KRT73: variants seen among roughly 807,000 people sequenced by gnomAD.
The protein encoded by KRT73 is keratin 73, also known as keratin, type II cytoskeletal 73.
Under a neutral mutation model 47.2 loss-of-function variants are expected in KRT73, and 44 were observed. The ratio of observed to expected loss-of-function variants is 0.93; its 90% confidence interval spans 0.73 to 1.20. KRT73 has a LOEUF of 1.20. Among genes scored for constraint, KRT73 ranks in the 50% most tolerant of loss-of-function variants. The pLI is 0.00. For missense variants in KRT73, 713 were observed against 704.5 expected, an observed-to-expected ratio of 1.01 and a Z score of -0.14; for synonymous variants, 285 against 291.3, an observed-to-expected ratio of 0.98 and a Z score of 0.22.
intron 8 of KRT73, 72 bp from the exon 9 acceptor site, chr12:52,608,524 C>T: frequency 1.5e-6 from 2 of 1,354,254 alleles, no homozygotes; most frequent in Admixed American, 2.4e-5. Flanking sequence ...CCCCTCCAAC[C>T]TCCCAGCCCC....
the KRT73 span, among the ~76,000 whole-genome samples, chr12:52,630,719 G>T: frequency 2.6e-5 from 4 of 152,364 alleles, no homozygotes; most frequent in East Asian, 7.7e-4. Context: ...TCTGCCTGAA[G>T]TCTCTGGGTG....
chr12:52,628,079 G>A, the KRT73 span, among the ~76,000 whole-genome samples: 9 of 76,286 alleles, frequency 1.2e-4, no homozygotes, highest in South Asian at 4.1e-4. Context: ...AGGTGGGAGT[G>A]GGCAACCCTT....
At chr12:52,614,424 T>G (rs1269414315) in intron 4 of KRT73, 155 bp downstream of exon 4, 3 of 593,754 alleles carry the variant, frequency 5.1e-6, no homozygotes, top group Non-Finnish European at 8.7e-6. Flanking sequence ...GGCACCAGGA[T>G]AGATGGCCAC....
At chr12:52,615,804 C>T (rs1051264433) in intron 2 of KRT73, among the ~76,000 whole-genome samples, 5 of 152,168 alleles carry the variant, frequency 3.3e-5, no homozygotes, top group African/African-American at 7.2e-5. Flanking sequence ...GGAAGCCCAA[C>T]AGGAACTCCA....
upstream of KRT73, chr12:52,618,646 G>A (rs1940860990): frequency 2.9e-6 from 3 of 1,043,764 alleles, no homozygotes; most frequent in South Asian, 3.7e-5. Context: ...CTAATTTGTG[G>A]GTTCAGTTTG....
Position 52,618,368 on chromosome 12 carries a change from C to A in KRT73, c.157G>T (p.Gly53Cys), listed in dbSNP as rs1181710985. 1.9e-6 allele frequency: 3 copies of A among 1,614,214 alleles called. No individual in the cohort carries two copies. The highest frequency in any genetic ancestry group is 1.1e-5 in the South Asian group (1 of 91,074). The change falls in exon 1 of 9, where the codon GGT becomes TGT. Residue 53 changes from glycine (G) to cysteine (C), a missense_variant. Physicochemically the swap from Gly to Cys is radical, Grantham distance 159. Transcript: ENST00000305748. Reference protein sequence around the residue: ...FSSRSLYSLGGARSISFNVAS... With the variant: ...FSSRSLYSLGCARSISFNVAS... ...ACATTGAAAGAGATGCTCCGGGCAC[C>A]CCCCAGGCTGTAAAGGCTCCGACTG...
At chr12:52,611,067 G>C in intron 6 of KRT73, 137 bp downstream of exon 6, 2 of 1,151,334 alleles carry the variant, frequency 1.7e-6, no homozygotes, top group Non-Finnish European at 2.5e-6. Context: ...GGGAGCTAAG[G>C]GTGAGGGATG....
At chr12:52,618,652 G>A, upstream of KRT73, 2 of 984,534 alleles carry the variant, frequency 2.0e-6, no homozygotes, top group Non-Finnish European at 2.9e-6. Context: ...TGTGGGTTCA[G>A]TTTGCCTGGA....
intron 2 of KRT73, 84 bp downstream of exon 2, chr12:52,616,082 C>T: frequency 6.5e-7 from 1 of 1,544,904 alleles, no homozygotes; most frequent in East Asian, 2.2e-5. Context: ...CCAATACCTC[C>T]AAGGCCAGAG....
At chr12:52,620,265 C>T (rs115238947), upstream of KRT73, among the ~76,000 whole-genome samples, 784 of 151,850 alleles carry the variant, frequency 5.2e-3, 8 homozygotes, top group African/African-American at 0.018. Context: ...ACACCACGCC[C>T]GGCTAATTTT....
chr12:52,615,496 G>C (rs1184953243), intron 2 of KRT73, among the ~76,000 whole-genome samples, 157 bp from the exon 3 acceptor site: 1 of 152,154 alleles, frequency 6.6e-6, no homozygotes, highest in Non-Finnish European at 1.5e-5. Flanking sequence ...AGGACTATTT[G>C]GCCAGAGTTG....
upstream of KRT73, among the ~76,000 whole-genome samples, chr12:52,620,064 T>C (rs1250366069): frequency 6.6e-6 from 1 of 151,896 alleles, no homozygotes; most frequent in Non-Finnish European, 1.5e-5. Flanking sequence ...CACTTGGAAG[T>C]CCTTTAATCT....
At chr12:52,614,875 CCTT>C (rs1333904358) in intron 3 of KRT73, 1 of 559,928 alleles carries the variant, frequency 1.8e-6, no homozygotes, top group Non-Finnish European at 3.2e-6. Context: ...CTCTGGAACT[CCTT>C]CTGCCTCTAT....
At chr12:52,610,286 AG>A (rs975195085) in intron 7 of KRT73, 9 of 325,520 alleles carry the variant, frequency 2.8e-5, no homozygotes, top group African/African-American at 1.9e-4. Context: ...AATGTTGGCC[AG>A]GCTGGTCTCA....
In KRT73 at chr12:52,618,253, A is replaced by G. The variant is rs745838280; in HGVS notation, c.272T>C (p.Leu91Ser). The change falls in exon 1 of 9, where the codon TTG (leucine) becomes TCG (serine). Residue 91 changes from leucine to serine, a missense_variant. By Grantham distance (145) the Leu-to-Ser change is moderately radical. Coordinates refer to ENST00000305748, the MANE Select transcript of KRT73 (RefSeq NM_175068.3). ...GCACAACGACGGACACACGGACCCC[A>G]AGGCCACACTGCCAAACATGCTGCC... ...FAGSMFGSVA[L>S]GSVCPSLCPP... 1 of 1,614,186 alleles carries G rather than the reference A, an allele frequency of 6.2e-7. No homozygotes were observed. The highest frequency in any genetic ancestry group is 8.5e-7 in the Non-Finnish European group (1 of 1,180,028).
upstream of KRT73, among the ~76,000 whole-genome samples, chr12:52,618,833 C>T (rs773507171): frequency 1.3e-5 from 2 of 152,278 alleles, no homozygotes; most frequent in South Asian, 2.1e-4. Flanking sequence ...GGAGGTTTGT[C>T]GCAGTCTCAA....
intron 7 of KRT73, 175 bp downstream of exon 7, chr12:52,610,440 A>T (rs1407618813): frequency 4.4e-6 from 3 of 674,816 alleles, no homozygotes; most frequent in Non-Finnish European, 7.7e-6. Flanking sequence ...GTCAAAAGAG[A>T]ACTGTAAAGG....
At chr12:52,623,300 A>G (rs1033314634), upstream of KRT73, among the ~76,000 whole-genome samples, 3 of 152,234 alleles carry the variant, frequency 2.0e-5, no homozygotes, top group African/African-American at 7.2e-5. Context: ...ATCATAAACT[A>G]TGGAGGCTAG....
the KRT73 span, among the ~76,000 whole-genome samples, chr12:52,625,178 A>G: frequency 3.3e-5 from 5 of 152,196 alleles, no homozygotes; most frequent in Non-Finnish European, 7.4e-5. Context: ...TTTGTACTGC[A>G]AAAGACCTTG....
Sources: allele counts gnomAD v4.1 joint callset (sites outside exome capture counted in the v4.1 genomes callset), GRCh38; gene constraint gnomAD v4.1.1; transcripts MANE v1.5; gene names NCBI Gene and HGNC (gene_info 2026-07-23, HGNC 2026-07-21).